Variants in RBFOX1 observed in about 807,000 individuals in gnomAD.
The protein encoded by RBFOX1 is RNA binding fox-1 homolog 1.
RBFOX1 carries 8 observed loss-of-function variants against 57.7 expected under a neutral mutation model. The observed-to-expected ratio is 0.14, with a 90% confidence interval of 0.08 to 0.25. The LOEUF (loss-of-function observed/expected upper bound fraction) is 0.25. Among genes scored for constraint, RBFOX1 ranks in the 10% least tolerant of loss-of-function variants. The pLI is 1.00. For missense variants in RBFOX1, 611 were observed against 548.5 expected, an observed-to-expected ratio of 1.11 and a Z score of -1.14; for synonymous variants, 326 against 222.4, an observed-to-expected ratio of 1.47 and a Z score of -4.15.
intron 4 of RBFOX1, among the ~76,000 whole-genome samples, chr16:7,296,408 C>G (rs1212088425): frequency 1.3e-5 from 2 of 151,780 alleles, no homozygotes; most frequent in Non-Finnish European, 2.9e-5. Flanking sequence ...TTCATGCAGT[C>G]TCTTTACCAT....
At chr16:5,876,246 G>C (rs1051095962) in intron 4 of RBFOX1, among the ~76,000 whole-genome samples, 1 of 152,120 alleles carries the variant, frequency 6.6e-6, no homozygotes, top group African/African-American at 2.4e-5. Context: ...GTGCCAGCCA[G>C]GCCACTCTGC....
At chr16:7,588,151 C>A (rs1374596508) in intron 7 of RBFOX1, among the ~76,000 whole-genome samples, 3 of 152,146 alleles carry the variant, frequency 2.0e-5, no homozygotes, top group African/African-American at 7.2e-5. Context: ...TGCACCACAG[C>A]CTCGGTGAAC....
At chr16:6,319,599 C>A (rs2081522375) in intron 2 of RBFOX1, among the ~76,000 whole-genome samples, 1 of 152,194 alleles carries the variant, frequency 6.6e-6, no homozygotes, top group East Asian at 1.9e-4. Flanking sequence ...CCCCAATACT[C>A]TTCTTCAAAG....
chr16:6,655,481 T>G (rs78195619), intron 3 of RBFOX1, among the ~76,000 whole-genome samples: 8,362 of 144,372 alleles, frequency 0.058, 538 homozygotes, highest in African/African-American at 0.15. Flanking sequence ...ATTAAGGGGG[T>G]AGGGGGCAAT....
intron 3 of RBFOX1, among the ~76,000 whole-genome samples, chr16:5,618,657 A>G (rs1379984370): frequency 6.6e-6 from 1 of 152,182 alleles, no homozygotes; most frequent in Non-Finnish European, 1.5e-5. Flanking sequence ...TTTTGTACGT[A>G]AGTTATACCT....
At position 7,316,862 on chromosome 16, in the gene RBFOX1, G is replaced by T. The variant is rs561269185; in HGVS notation, c.28-201285G>T. ...GAAAAACAAAGGGACCAGGGAGCCA[G>T]TGAGAGAGGGGTAAAGAGACACATA... On this transcript the variant is annotated intron_variant, in intron 4 of 15. Coordinates refer to ENST00000550418, the MANE Select transcript of RBFOX1 (RefSeq NM_018723.4). Among the ~76,000 whole-genome samples the T allele has an allele frequency of 4.1e-3, 620 of 152,086 alleles. 4 individuals carry two copies. Among genetic ancestry groups the T allele is most frequent in the Middle Eastern group, 0.01 (3 of 294 alleles).
rs1478151874 is a variant in RBFOX1, at chr16:6,939,527, T to C, written c.-15-112530T>C. Reference sequence around the variant, plus strand: ...CTTTCTTTTTTTTTTTTTCTTTTTTTTGAGATGGTGTCTTGTTCTGTCATG... The same window carrying C: ...CTTTCTTTTTTTTTTTTTCTTTTTTCTGAGATGGTGTCTTGTTCTGTCATG... On this transcript the variant is annotated intron_variant, in intron 3 of 15. Coordinates refer to ENST00000550418, the MANE Select transcript of RBFOX1 (RefSeq NM_018723.4). Among the ~76,000 whole-genome samples the C allele has an allele frequency of 1.2e-4, 18 of 151,782 alleles. No individual in the cohort carries two copies. The East Asian group carries it at 3.3e-3, about 28-fold the overall frequency.
At chr16:5,816,794 T>C (rs1003670627) in intron 3 of RBFOX1, among the ~76,000 whole-genome samples, 2 of 152,076 alleles carry the variant, frequency 1.3e-5, no homozygotes, top group African/African-American at 4.8e-5. Flanking sequence ...AAAAAGAAAT[T>C]ATATAGCCCT....
intron 4 of RBFOX1, among the ~76,000 whole-genome samples, chr16:7,497,374 C>G (rs750327185): frequency 2.6e-5 from 4 of 152,170 alleles, no homozygotes; most frequent in Non-Finnish European, 4.4e-5. Context: ...CCTCAAGATT[C>G]CTCTCAACTG....
rs1427834452 is a variant in RBFOX1 at position 6,279,972 on chromosome 16, TG to T, written c.-126-37022del. Among the ~76,000 whole-genome samples, 6 of 151,944 alleles carry T rather than the reference TG, an allele frequency of 3.9e-5. No homozygotes were observed. In the East Asian group the frequency reaches 1.2e-3, roughly 29 times the overall value. On this transcript the variant is annotated intron_variant, in intron 1 of 15. Transcript: ENST00000550418. ...CAGACGATATTAAATTGGAAGGTGT[TG>T]CAAATAGGAGCGTGGACTGGGGACA...
intron 2 of RBFOX1, among the ~76,000 whole-genome samples, chr16:6,610,686 A>G (rs2098034224): frequency 6.6e-6 from 1 of 152,214 alleles, no homozygotes; most frequent in African/African-American, 2.4e-5. Context: ...TATGTGAAGA[A>G]ACACTGAAAG....
intron 7 of RBFOX1, among the ~76,000 whole-genome samples, chr16:7,592,253 T>A (rs991263231): frequency 2.6e-5 from 4 of 152,206 alleles, no homozygotes; most frequent in Non-Finnish European, 5.9e-5. Context: ...GTATTCTCTT[T>A]GCTTAAAAAG....
At chr16:5,592,485 C>T (rs1021233167) in intron 2 of RBFOX1, among the ~76,000 whole-genome samples, 5 of 150,582 alleles carry the variant, frequency 3.3e-5, no homozygotes, top group South Asian at 4.2e-4. Flanking sequence ...GGCACGATTT[C>T]GGCTCACTGC....
chr16:5,274,343 A>T (rs2063089318), intron 1 of RBFOX1, among the ~76,000 whole-genome samples: 1 of 152,146 alleles, frequency 6.6e-6, no homozygotes, highest in African/African-American at 2.4e-5. Context: ...AGCCTGGCCA[A>T]CATGGTGAAA....
chr16:6,350,511 A>G (rs2086177385), intron 2 of RBFOX1, among the ~76,000 whole-genome samples: 2 of 145,600 alleles, frequency 1.4e-5, no homozygotes, highest in South Asian at 2.2e-4. Flanking sequence ...AGTGTTCTCT[A>G]GAATATACTT....
At chr16:5,865,415 G>C (rs777146212) in intron 3 of RBFOX1, among the ~76,000 whole-genome samples, 1 of 152,174 alleles carries the variant, frequency 6.6e-6, no homozygotes, top group Non-Finnish European at 1.5e-5. Context: ...CCCCATGGCT[G>C]GGCCCCGGAT....
intron 2 of RBFOX1, among the ~76,000 whole-genome samples, chr16:5,558,762 C>T (rs547212703): frequency 6.6e-6 from 1 of 152,120 alleles, no homozygotes; most frequent in Non-Finnish European, 1.5e-5. Context: ...CTGGCCAAAG[C>T]CCCCAATTCA....
chr16:6,962,208 T>C (rs1407336774), intron 3 of RBFOX1, among the ~76,000 whole-genome samples: 2 of 152,130 alleles, frequency 1.3e-5, no homozygotes, highest in East Asian at 3.9e-4. Context: ...CAACTCTGCT[T>C]GTTTGCACAT....
At chr16:7,471,678 T>A (rs1372114928) in intron 4 of RBFOX1, among the ~76,000 whole-genome samples, 2 of 152,204 alleles carry the variant, frequency 1.3e-5, no homozygotes, top group East Asian at 3.9e-4. Flanking sequence ...TCCAGAGATG[T>A]TGAACTCAAG....
Sources: allele counts gnomAD v4.1 joint callset (sites outside exome capture counted in the v4.1 genomes callset), GRCh38; gene constraint gnomAD v4.1.1; transcripts MANE v1.5; gene names NCBI Gene and HGNC (gene_info 2026-07-23, HGNC 2026-07-21).